Variants in CIAPIN1 observed in about 807,000 individuals in gnomAD.
CIAPIN1 encodes the protein cytokine induced apoptosis inhibitor 1.
CIAPIN1 carries 18 observed loss-of-function variants against 34.3 expected under a neutral mutation model. The ratio of observed to expected loss-of-function variants is 0.52; its 90% CI spans 0.36 to 0.78. The LOEUF (loss-of-function observed/expected upper bound fraction) is 0.78. CIAPIN1 is among the 30% of genes least tolerant of loss of function. The pLI is 0.00. For synonymous variants in CIAPIN1, 131 were observed against 140.4 expected, an observed-to-expected ratio of 0.93 and a Z score of 0.47; for missense variants, 310 against 372.5, an observed-to-expected ratio of 0.83 and a Z score of 1.38.
chr16:57,431,023 G>A (rs1390049395), intron 7 of CIAPIN1, 128 bp downstream of exon 7: 5 of 539,784 alleles, frequency 9.3e-6, no homozygotes, highest in Non-Finnish European at 1.7e-5. Flanking sequence ...TTAATTATTT[G>A]CAGAGATGGT....
rs1415398727 is a variant in CIAPIN1, at chr16:57,432,642, T to C, written c.557-82A>G. 3.9e-6 allele frequency: 5 copies of C among 1,281,768 alleles called. No individual in the cohort carries two copies. In the Admixed American group the frequency reaches 5.6e-5, roughly 14 times the overall value. 79.4% of individuals were successfully genotyped at this position (1,281,768 alleles called of 1,614,324 possible). A position where few individuals can be genotyped will look rare whatever the true frequency, so the allele number is the denominator to read the frequency against. On this transcript the variant is annotated intron_variant, in intron 5 of 8. Transcript: ENST00000394391. The stretch of plus-strand genomic sequence containing the variant: ...ACAAACATACATAAATGCTTCCTGC[T>C]GTGTAGAAGAGAACACACTGGCCTG...
rs1451637701 is a variant in CIAPIN1 at position 57,442,362 on chromosome 16, A to G, written c.-55-1379T>C. 3.3e-5 allele frequency among the ~76,000 whole-genome samples: 5 copies of G among 151,996 alleles called. No homozygotes were observed. In the East Asian group the frequency reaches 7.8e-4, roughly 24 times the overall value. ...TCCGTCTCAAAATAAATAAATAAAT[A>G]AAAAATAAAAAATTATAGCTGGGCG... On this transcript the variant is annotated intron_variant, in intron 1 of 8. Transcript: ENST00000394391.
chr16:57,429,212 C>T lies in CIAPIN1; in HGVS notation c.897G>A (p.Gly299=). 1.2e-6 allele frequency: 2 copies of T among 1,613,572 alleles called. No homozygotes were observed. Among genetic ancestry groups the T allele is most frequent in the South Asian group, 1.1e-5 (1 of 91,058 alleles). ...PYLGMPAFKP[G]EKVLLSDSNL... ...TGCTATCACTCAGAAGCACCTTTTCCCCAGGTTTGAAGGCTGGCATCCCAA... is the reference window on the plus strand; with the variant it reads ...TGCTATCACTCAGAAGCACCTTTTCTCCAGGTTTGAAGGCTGGCATCCCAA... The change falls in exon 9 of 9, where the codon GGG becomes GGA. Residue 299 remains glycine, a synonymous_variant. Transcript: ENST00000394391.
chr16:57,438,744 C>T (rs1315941764), intron 3 of CIAPIN1, among the ~76,000 whole-genome samples: 3 of 152,180 alleles, frequency 2.0e-5, no homozygotes, highest in African/African-American at 7.2e-5. Context: ...CTCTGGCAAA[C>T]TCTGATCTCC....
rs185821488 is a variant in CIAPIN1, at chr16:57,429,632, C to T, written c.829-352G>A. Among the ~76,000 whole-genome samples, 298 of 151,824 alleles carry T rather than the reference C, an allele frequency of 2.0e-3. 1 individual carries two copies. Among genetic ancestry groups the T allele is most frequent in the African/African-American group, 6.9e-3 (284 of 41,402 alleles). ...TCAGCCTCCCAAGTAGCTGGGACTA[C>T]AGGCGCCCGCTACCATGCCCGGCAA... On this transcript the variant is annotated intron_variant, in intron 8 of 8. Transcript: ENST00000394391.
At chr16:57,430,108 G>A in intron 8 of CIAPIN1, 150 bp downstream of exon 8, 1 of 666,868 alleles carries the variant, frequency 1.5e-6, no homozygotes, top group African/African-American at 1.8e-5. Context: ...TCAGGAGACA[G>A]CCTCTCTCCC....
rs1306540083 is a variant in CIAPIN1, at chr16:57,439,411, A to G, written c.158-77T>C. The G allele has an allele frequency of 8.7e-6, 13 of 1,499,414 alleles. No homozygotes were observed. In the African/African-American group the frequency reaches 1.7e-4, roughly 19 times the overall value. The allele number at this position is 1,499,414 out of a possible 1,614,324, so 92.9% of individuals were successfully genotyped here. A position where few individuals can be genotyped will look rare whatever the true frequency, so the allele number is the denominator to read the frequency against. On this transcript the variant is annotated intron_variant, in intron 2 of 8. Coordinates refer to ENST00000394391, the MANE Select transcript of CIAPIN1 (RefSeq NM_020313.4). Reference sequence around the variant, plus strand: ...CTGGTCCCTTCCAACCCCCAACAAAAGCTACAGACCTCACCCTGAGAGAAT... The same window carrying G: ...CTGGTCCCTTCCAACCCCCAACAAAGGCTACAGACCTCACCCTGAGAGAAT...
chr16:57,442,177 C>T (rs1338709882), intron 1 of CIAPIN1, among the ~76,000 whole-genome samples: 32 of 151,972 alleles, frequency 2.1e-4, no homozygotes, highest in Admixed American at 2.1e-3. Flanking sequence ...GAAACCCCAT[C>T]TCTACTAAAA....
intron 7 of CIAPIN1, 52 bp downstream of exon 7, chr16:57,431,099 G>C: frequency 9.0e-7 from 1 of 1,113,068 alleles, no homozygotes; most frequent in Non-Finnish European, 1.4e-6. Flanking sequence ...GATGTCTTCA[G>C]CATGAAGCCA....
chr16:57,446,742 C>A (rs223858), intron 1 of CIAPIN1, among the ~76,000 whole-genome samples: 7,461 of 152,204 alleles, frequency 0.049, 272 homozygotes, highest in African/African-American at 0.098. Flanking sequence ...TGGACCACAC[C>A]CAGACCCACT....
chr16:57,429,940 C>T (rs1041988719), intron 8 of CIAPIN1, among the ~76,000 whole-genome samples: 3 of 152,228 alleles, frequency 2.0e-5, no homozygotes, highest in African/African-American at 4.8e-5. Flanking sequence ...CCACTGCGCC[C>T]GGCCATAGTT....
At chr16:57,430,692 G>A (rs1903067010) in intron 7 of CIAPIN1, 1 of 279,680 alleles carries the variant, frequency 3.6e-6, no homozygotes, top group South Asian at 7.3e-5. Flanking sequence ...TGTAAATGCT[G>A]GCAGCTTTTA....
At position 57,432,311 on chromosome 16, in the gene CIAPIN1, C is replaced by CA. The variant is rs111757787; in HGVS notation, c.630+175dup. 2.6e-3 allele frequency among the ~76,000 whole-genome samples: 388 copies of CA among 146,508 alleles called. 2 individuals are homozygous for CA. Among genetic ancestry groups the CA allele is most frequent in the East Asian group, 8.6e-3 (43 of 4,972 alleles). On this transcript the variant is annotated intron_variant, in intron 6 of 8. Coordinates refer to ENST00000394391, the MANE Select transcript of CIAPIN1 (RefSeq NM_020313.4). ...TTGGGCAAGAGAGCGAGACTGTCTC[C>CA]AAAAAAAAAGCCACCAACATGGAGT...
intron 3 of CIAPIN1, among the ~76,000 whole-genome samples, chr16:57,437,722 C>T (rs1567572360): frequency 3.3e-5 from 5 of 151,906 alleles, no homozygotes; most frequent in Admixed American, 2.0e-4. Context: ...GACGGGGTTT[C>T]GCCATGTTGC....
intron 3 of CIAPIN1, among the ~76,000 whole-genome samples, chr16:57,438,740 C>A (rs1903259317): frequency 6.6e-6 from 1 of 152,170 alleles, no homozygotes; most frequent in Non-Finnish European, 1.5e-5. Flanking sequence ...TAACCTCTGG[C>A]AAACTCTGAT....
intron 1 of CIAPIN1, 65 bp downstream of exon 1, chr16:57,447,277 G>A (rs1235057425): frequency 2.5e-5 from 10 of 395,760 alleles, no homozygotes; most frequent in Admixed American, 4.4e-5. Context: ...ATGTGGGAAC[G>A]AGGGTGGGCC....
At chr16:57,443,606 C>T (rs546046428) in intron 1 of CIAPIN1, among the ~76,000 whole-genome samples, 1 of 152,260 alleles carries the variant, frequency 6.6e-6, no homozygotes, top group Non-Finnish European at 1.5e-5. Flanking sequence ...TACAGGTGGA[C>T]GCCACCACAC....
chr16:57,430,902 G>A (rs895099498), intron 7 of CIAPIN1, among the ~76,000 whole-genome samples: 13 of 151,990 alleles, frequency 8.6e-5, no homozygotes, highest in African/African-American at 3.1e-4. Context: ...GCACAATTAC[G>A]GCTCACTGCA....
chr16:57,439,447 C>A, intron 2 of CIAPIN1, 113 bp from the exon 3 acceptor site: 2 of 1,003,414 alleles, frequency 2.0e-6, no homozygotes, highest in Non-Finnish European at 3.0e-6. Context: ...GGACACCACT[C>A]GATATCCATC....
Sources: allele counts gnomAD v4.1 joint callset (sites outside exome capture counted in the v4.1 genomes callset), GRCh38; gene constraint gnomAD v4.1.1; transcripts MANE v1.5; gene names NCBI Gene and HGNC (gene_info 2026-07-23, HGNC 2026-07-21).